The following SLCO1A2 variants were observed in gnomAD, a reference collection of about 807,000 sequenced individuals.
SLCO1A2 encodes the protein OATP-1.
Under a neutral mutation model 69.0 loss-of-function variants are expected in SLCO1A2, and 67 were observed. The ratio of observed to expected loss-of-function variants is 0.97; its 90% CI spans 0.80 to 1.19. The LOEUF (loss-of-function observed/expected upper bound fraction) is 1.19. Ranked by LOEUF, SLCO1A2 falls within the 50% of genes most tolerant of loss-of-function variation. SLCO1A2 has a pLI of 0.00. For synonymous variants in SLCO1A2, 260 were observed against 265.9 expected (o/e 0.98, Z 0.22); for missense variants, 787 against 793.7 (o/e 0.99, Z 0.10).
chr12:21,372,204 T>C (rs1283162388), intron 2 of SLCO1A2, among the ~76,000 whole-genome samples: 2 of 152,196 alleles, frequency 1.3e-5, no homozygotes, highest in Non-Finnish European at 2.9e-5. Flanking sequence ...TGTGTAAGAA[T>C]GAATGGAAAA....
intron 2 of SLCO1A2, among the ~76,000 whole-genome samples, chr12:21,331,368 A>T (rs1323962862): frequency 6.6e-6 from 1 of 152,118 alleles, no homozygotes; most frequent in South Asian, 2.1e-4. Context: ...ACAGAAACCA[A>T]GCGCATAATT....
chr12:21,277,492 C>CTT (rs1491399530), intron 12 of SLCO1A2, among the ~76,000 whole-genome samples: 1 of 128,274 alleles, frequency 7.8e-6, no homozygotes, highest in African/African-American at 3.2e-5. Context: ...TGGTGAGAGA[C>CTT]TCTCTGTTTG....
chr12:21,296,531 CCA>C (rs1947740111), intron 9 of SLCO1A2, among the ~76,000 whole-genome samples: 1 of 151,718 alleles, frequency 6.6e-6, no homozygotes, highest in Non-Finnish European at 1.5e-5. Flanking sequence ...GCATGAGCCA[CCA>C]CACCCAGTTC....
At chr12:21,418,826 G>C (rs1272042823), upstream of SLCO1A2, among the ~76,000 whole-genome samples, 2 of 152,044 alleles carry the variant, frequency 1.3e-5, no homozygotes, top group African/African-American at 4.8e-5. Flanking sequence ...TCTAGAACAG[G>C]GGATTAGCAA....
intron 2 of SLCO1A2, among the ~76,000 whole-genome samples, chr12:21,321,394 A>C (rs1591841105): frequency 6.6e-6 from 1 of 151,938 alleles, no homozygotes; most frequent in Non-Finnish European, 1.5e-5. Flanking sequence ...AATCCTGTTT[A>C]CTCTCCTCTA....
intron 1 of SLCO1A2, chr12:21,378,305 T>C: frequency 1.2e-6 from 2 of 1,614,238 alleles, no homozygotes; most frequent in Non-Finnish European, 1.7e-6. Context: ...AATTTTTTAG[T>C]TCATTCCAGC....
chr12:21,300,962 G>T (rs1255700870), intron 7 of SLCO1A2, among the ~76,000 whole-genome samples: 1 of 152,130 alleles, frequency 6.6e-6, no homozygotes, highest in Admixed American at 6.6e-5. Flanking sequence ...ATGTGATTCT[G>T]TGTCAGATTA....
intron 2 of SLCO1A2, among the ~76,000 whole-genome samples, chr12:21,352,153 T>G (rs889283686): frequency 1.3e-5 from 2 of 152,180 alleles, no homozygotes; most frequent in Admixed American, 6.5e-5. Flanking sequence ...TACTATTTTA[T>G]TTCATAGGTT....
At chr12:21,414,346 C>T (rs184165693) in intron 1 of SLCO1A2, among the ~76,000 whole-genome samples, 1 of 151,502 alleles carries the variant, frequency 6.6e-6, no homozygotes, top group East Asian at 1.9e-4. Context: ...TCTCGAAGTA[C>T]ATGTTGCTAA....
intron 1 of SLCO1A2, among the ~76,000 whole-genome samples, chr12:21,417,155 CAAAG>C (rs1270133201): frequency 6.6e-6 from 1 of 150,596 alleles, no homozygotes; most frequent in Non-Finnish European, 1.5e-5. Context: ...GTGAAAGAAA[CAAAG>C]AAAACTAAGC....
chr12:21,386,357 G>A (rs1940879069), intron 1 of SLCO1A2, among the ~76,000 whole-genome samples: 1 of 152,122 alleles, frequency 6.6e-6, no homozygotes, highest in African/African-American at 2.4e-5. Flanking sequence ...AATCCCTAGT[G>A]ATATGGTTTG....
chr12:21,345,375 T>C (rs1239044064), intron 2 of SLCO1A2, among the ~76,000 whole-genome samples: 1 of 152,036 alleles, frequency 6.6e-6, no homozygotes, highest in Non-Finnish European at 1.5e-5. Flanking sequence ...CTAAGAATGG[T>C]CCAGGCTATT....
At chr12:21,360,530 G>A (rs918165893) in intron 2 of SLCO1A2, among the ~76,000 whole-genome samples, 2 of 152,214 alleles carry the variant, frequency 1.3e-5, no homozygotes, top group African/African-American at 2.4e-5. Context: ...TGAGGTACCA[G>A]GTTCATCTCA....
Position 21,292,223 on chromosome 12 carries a change from T to C in SLCO1A2, c.1551A>G (p.Ser517=), listed in dbSNP as rs2099620974. The change falls in exon 12 of 15, where the codon TCA becomes TCG. Residue 517 remains serine (S), a synonymous_variant. Transcript: ENST00000683939. ...SLMLQYFLIL[S]AMSSFIYSLA... is the part of the protein sequence containing the mutation. ...AAGAATAAATGAAACTGCTCATCGC[T>C]GACAAGATTAGGAAGTACTGGAGCA... 3 of 1,612,718 alleles carry C rather than the reference T, an allele frequency of 1.9e-6. No individual in the cohort carries two copies. Among genetic ancestry groups the C allele is most frequent in the Non-Finnish European group, 1.7e-6 (2 of 1,179,170 alleles).
intron 6 of SLCO1A2, among the ~76,000 whole-genome samples, chr12:21,304,050 T>G (rs771494660): frequency 1.6e-4 from 24 of 152,062 alleles, no homozygotes; most frequent in Non-Finnish European, 3.1e-4. Flanking sequence ...ACAGACAAAG[T>G]AATGAGAACC....
At chr12:21,384,769 CT>C (rs762328144) in intron 1 of SLCO1A2, among the ~76,000 whole-genome samples, 129 of 130,976 alleles carry the variant, frequency 9.8e-4, no homozygotes, top group Non-Finnish European at 1.2e-3. Flanking sequence ...GTTTTTTTTT[CT>C]TTTTTTTTTT....
chr12:21,376,344 T>A (rs1940189803), intron 1 of SLCO1A2: 1 of 360,338 alleles, frequency 2.8e-6, no homozygotes, highest in South Asian at 2.1e-5. Flanking sequence ...AAATTCCAAT[T>A]TTTACTGTTT....
chr12:21,373,627 T>C, intron 2 of SLCO1A2: 1 of 700,044 alleles, frequency 1.4e-6, no homozygotes, highest in Non-Finnish European at 2.6e-6. Context: ...ATATCTTTGA[T>C]GGAACTTCTG....
intron 4 of SLCO1A2, among the ~76,000 whole-genome samples, chr12:21,312,322 T>G (rs901620184): frequency 1.3e-5 from 2 of 152,228 alleles, no homozygotes; most frequent in African/African-American, 4.8e-5. Flanking sequence ...CTAATCTCTC[T>G]TAACTTTCGT....
Sources: allele counts gnomAD v4.1 joint callset (sites outside exome capture counted in the v4.1 genomes callset), GRCh38; gene constraint gnomAD v4.1.1; transcripts MANE v1.5; gene names NCBI Gene and HGNC (gene_info 2026-07-23, HGNC 2026-07-21).